MAP2K1: variants seen among roughly 807,000 people sequenced by gnomAD.
MAP2K1 encodes the protein mitogen-activated protein kinase kinase 1.
Under a neutral mutation model 46.3 loss-of-function variants are expected in MAP2K1, and 16 were observed. That is an observed-to-expected ratio of 0.35 (90% confidence interval 0.23 to 0.52). MAP2K1 has a LOEUF of 0.52. Ranked by LOEUF, MAP2K1 falls within the 20% of genes least tolerant of loss-of-function variation. MAP2K1 has a pLI of 0.94. For synonymous variants in MAP2K1, 183 were observed against 185.6 expected, an observed-to-expected ratio of 0.99 and a Z score of 0.11; for missense variants, 263 against 497.1, an observed-to-expected ratio of 0.53 and a Z score of 4.48.
intron 5 of MAP2K1, among the ~76,000 whole-genome samples, chr15:66,469,969 G>C (rs996090234): frequency 6.6e-6 from 1 of 151,224 alleles, no homozygotes; most frequent in Middle Eastern, 3.4e-3. Flanking sequence ...CTTCAGTTTG[G>C]CCTGGCTAGC....
intron 5 of MAP2K1, among the ~76,000 whole-genome samples, chr15:66,454,749 G>C (rs891848550): frequency 4.6e-5 from 7 of 152,120 alleles, no homozygotes; most frequent in African/African-American, 1.7e-4. Context: ...TCGGCGTGGT[G>C]CCGTGCGCCT....
intron 1 of MAP2K1, among the ~76,000 whole-genome samples, chr15:66,418,762 A>G (rs1041471626): frequency 1.2e-4 from 18 of 151,276 alleles, no homozygotes; most frequent in African/African-American, 4.1e-4. Context: ...TCCCGGGTTC[A>G]CGCCATTCTC....
At position 66,427,030 on chromosome 15, in the gene MAP2K1, T is replaced by G. The variant is rs186782620; in HGVS notation, c.81-7997T>G. The stretch of plus-strand genomic sequence containing the variant: ...TGTTTTTCCTTTGAGAATAAATTGA[T>G]TGTTTTGTCTTCCCAGGTCTTTGAG... On this transcript the variant is annotated intron_variant, in intron 1 of 10. Coordinates refer to ENST00000307102, the MANE Select transcript of MAP2K1 (RefSeq NM_002755.4). Among the ~76,000 whole-genome samples the G allele has an allele frequency of 7.9e-5, 12 of 152,354 alleles. No individual in the cohort carries two copies. The East Asian group carries it at 2.3e-3, about 29-fold the overall frequency.
At chr15:66,387,487 C>G in intron 1 of MAP2K1, 60 bp downstream of exon 1, 1 of 1,493,256 alleles carries the variant, frequency 6.7e-7, no homozygotes, top group Non-Finnish European at 9.1e-7. Flanking sequence ...AGCCGGGGAG[C>G]AGGAGCGCGC....
intron 5 of MAP2K1, among the ~76,000 whole-genome samples, chr15:66,457,732 C>T (rs112064988): frequency 0.18 from 27,251 of 151,794 alleles, 3,113 homozygotes; most frequent in Middle Eastern, 0.29. Flanking sequence ...GAGATCAAGG[C>T]GGGTGGATCA....
intron 7 of MAP2K1, 103 bp from the exon 8 acceptor site, chr15:66,487,125 C>G: frequency 1.1e-6 from 1 of 922,506 alleles, no homozygotes; most frequent in Admixed American, 1.8e-5. Flanking sequence ...GTTTATTGTC[C>G]ATGACCCTGT....
chr15:66,475,774 C>T (rs1567022832), intron 5 of MAP2K1, among the ~76,000 whole-genome samples: 1 of 152,176 alleles, frequency 6.6e-6, no homozygotes, highest in Non-Finnish European at 1.5e-5. Context: ...ACATCTTCAT[C>T]TTTGCCCTTA....
chr15:66,480,732 C>T (rs573269534), intron 5 of MAP2K1, among the ~76,000 whole-genome samples: 3 of 152,024 alleles, frequency 2.0e-5, no homozygotes, highest in Non-Finnish European at 4.4e-5. Context: ...TTAATATAGA[C>T]ACCATATAGG....
At chr15:66,488,999 C>G (rs2140682418) in intron 8 of MAP2K1, 1 of 612,314 alleles carries the variant, frequency 1.6e-6, no homozygotes. Flanking sequence ...TCTAAATGTG[C>G]TATTTGAGAT....
At chr15:66,433,974 C>T (rs941279801) in intron 1 of MAP2K1, among the ~76,000 whole-genome samples, 13 of 152,224 alleles carry the variant, frequency 8.5e-5, no homozygotes, top group Admixed American at 2.6e-4. Flanking sequence ...GCAGGCTGCT[C>T]TCTGCCATAC....
intron 1 of MAP2K1, among the ~76,000 whole-genome samples, chr15:66,392,125 G>C (rs1442979887): frequency 1.3e-5 from 2 of 152,090 alleles, no homozygotes; most frequent in Admixed American, 1.3e-4. Flanking sequence ...GTTTTGCCTA[G>C]AGGTGAGCCT....
At chr15:66,408,188 A>C (rs376366410) in intron 1 of MAP2K1, among the ~76,000 whole-genome samples, 6 of 152,376 alleles carry the variant, frequency 3.9e-5, no homozygotes, top group African/African-American at 1.4e-4. Context: ...TTAGATCCCC[A>C]GTGCAGGTTG....
chr15:66,445,269 G>A (rs1015714706), intron 5 of MAP2K1, among the ~76,000 whole-genome samples: 1 of 152,240 alleles, frequency 6.6e-6, no homozygotes, highest in Non-Finnish European at 1.5e-5. Flanking sequence ...GCGAGCACCT[G>A]TAATCCCAGC....
At chr15:66,443,861 C>G (rs1358410457) in intron 4 of MAP2K1, among the ~76,000 whole-genome samples, 2 of 152,106 alleles carry the variant, frequency 1.3e-5, no homozygotes, top group Non-Finnish European at 2.9e-5. Context: ...GAGTGAGACC[C>G]TGTCTCAAAA....
intron 1 of MAP2K1, among the ~76,000 whole-genome samples, chr15:66,407,763 G>A (rs1306050576): frequency 6.6e-5 from 10 of 152,174 alleles, no homozygotes; most frequent in Admixed American, 6.5e-4. Flanking sequence ...GATTACTTGA[G>A]CCCAGAAGGT....
chr15:66,388,401 A>G (rs552048612), intron 1 of MAP2K1, among the ~76,000 whole-genome samples: 1 of 152,222 alleles, frequency 6.6e-6, no homozygotes, highest in African/African-American at 2.4e-5. Flanking sequence ...TGTTTGCCCA[A>G]CCTTCAATAA....
intron 3 of MAP2K1, among the ~76,000 whole-genome samples, chr15:66,439,801 G>A (rs900959849): frequency 6.6e-6 from 1 of 151,878 alleles, no homozygotes; most frequent in Non-Finnish European, 1.5e-5. Context: ...CTGGCGTGGA[G>A]GCAGGTGCCT....
chr15:66,395,529 G>GTT (rs1030544369), intron 1 of MAP2K1, among the ~76,000 whole-genome samples: 1 of 140,766 alleles, frequency 7.1e-6, no homozygotes, highest in Admixed American at 7.1e-5. Context: ...TGCTGACATG[G>GTT]TTTTTTTTTT....
chr15:66,399,512 G>A (rs1276623677), intron 1 of MAP2K1, among the ~76,000 whole-genome samples: 2 of 151,938 alleles, frequency 1.3e-5, no homozygotes, highest in South Asian at 2.1e-4. Flanking sequence ...GCGCAGTGGT[G>A]TGGATCGTGG....
Sources: gnomAD v4.1 joint callset for allele counts (sites outside exome capture counted in the v4.1 genomes callset) on GRCh38, gnomAD v4.1.1 for gene constraint, MANE v1.5 for transcripts, NCBI Gene and HGNC (gene_info 2026-07-23, HGNC 2026-07-21) for gene names.